TLR7: variants seen among roughly 807,000 people sequenced by gnomAD.
TLR7 encodes toll like receptor 7, also known as toll-like receptor 7.
TLR7 carries 12 observed loss-of-function variants against 38.3 expected under a neutral mutation model. The observed-to-expected ratio is 0.31, with a 90% CI of 0.20 to 0.51. TLR7 has a LOEUF of 0.51. TLR7 is among the 20% of genes least tolerant of loss of function. The pLI is 0.98. For missense variants in TLR7, 504 were observed against 743.4 expected (o/e 0.68, Z 3.74); for synonymous variants, 285 against 293.8 (o/e 0.97, Z 0.31).
chrX:12,886,705 T>C lies in TLR7; in HGVS notation c.1197T>C (p.Leu399=), dbSNP rs765435694. ...CGCCATTACATAATCTTCAAAATCT[T>C]GAAGTTCTTGATCTTGGCACTAACT... ...NLSPLHNLQN[L]EVLDLGTNFI... is the part of the protein sequence containing the mutation. The change falls in exon 3 of 3, where the codon CTT becomes CTC. Residue 399 remains leucine (L), a synonymous_variant. Transcript: ENST00000380659. The C allele has an allele frequency of 1.7e-5, 21 of 1,211,535 alleles. No individual in the cohort carries two copies. The highest frequency in any genetic ancestry group is 2.2e-5 in the Non-Finnish European group (20 of 895,437).
In TLR7 at chrX:12,885,607, T is replaced by G. The variant is rs748200247; in HGVS notation, c.99T>G (p.Thr33=). 8.3e-7 allele frequency: 1 copy of G among 1,211,924 alleles called. No individual in the cohort carries two copies. The highest frequency in any genetic ancestry group is 1.8e-5 in the South Asian group (1 of 57,010). ...TTGGGGCTAGATGGTTTCCTAAAAC[T>G]CTGCCCTGTGATGTCACTCTGGATG... ...KLLGARWFPK[T]LPCDVTLDVP... is the part of the protein sequence containing the mutation. Residue 33 remains threonine (T), a synonymous_variant, in exon 3 of 3, where the codon ACT becomes ACG. Coordinates refer to ENST00000380659, the MANE Select transcript of TLR7 (RefSeq NM_016562.4).
intron 2 of TLR7, among the ~76,000 whole-genome samples, chrX:12,876,740 T>C (rs2042872060): frequency 8.9e-6 from 1 of 112,223 alleles, no homozygotes; most frequent in Admixed American, 9.4e-5. Flanking sequence ...CACCTGTGTG[T>C]ATGAAATCAC....
chrX:12,873,320 G>A (rs2042859666), intron 2 of TLR7, among the ~76,000 whole-genome samples: 1 of 111,852 alleles, frequency 8.9e-6, no homozygotes, highest in Non-Finnish European at 1.9e-5. Context: ...TTCTTTTTCA[G>A]TAACACTTAT....
intron 2 of TLR7, among the ~76,000 whole-genome samples, chrX:12,876,708 C>T (rs5743750): frequency 0.041 from 4,548 of 111,644 alleles, 229 homozygotes; most frequent in African/African-American, 0.14. Flanking sequence ...ACTAAAGAGA[C>T]GATATATTGA....
At chrX:12,884,392 C>T (rs1294255190) in intron 2 of TLR7, among the ~76,000 whole-genome samples, 1 of 112,199 alleles carries the variant, frequency 8.9e-6, no homozygotes, top group Non-Finnish European at 1.9e-5. Flanking sequence ...GGCTGGACCA[C>T]TCCATGCGTA....
intron 2 of TLR7, among the ~76,000 whole-genome samples, chrX:12,882,422 A>C (rs183251848): frequency 9.2e-6 from 1 of 109,184 alleles, no homozygotes; most frequent in East Asian, 2.9e-4. Flanking sequence ...AAAAGTGGAC[A>C]GGTGCGAGAA....
At chrX:12,885,455 T>A in intron 2 of TLR7, 57 bp from the exon 3 acceptor site, 2 of 1,054,379 alleles carry the variant, frequency 1.9e-6, no homozygotes, top group Non-Finnish European at 1.3e-6. Context: ...TGGGAATTTT[T>A]AATTCTGATT....
intron 2 of TLR7, among the ~76,000 whole-genome samples, chrX:12,884,142 C>T (rs748897924): frequency 5.4e-5 from 6 of 111,177 alleles, no homozygotes; most frequent in Non-Finnish European, 1.1e-4. Flanking sequence ...CCATGCCCAG[C>T]TAATTTTTTA....
chrX:12,878,809 C>G (rs2042881829), intron 2 of TLR7, among the ~76,000 whole-genome samples: 1 of 111,457 alleles, frequency 9.0e-6, no homozygotes, highest in African/African-American at 3.3e-5. Flanking sequence ...GATTTTTTGC[C>G]CTGGACTGGC....
chrX:12,882,280 C>T (rs1024464915), intron 2 of TLR7, among the ~76,000 whole-genome samples: 10 of 111,352 alleles, frequency 9.0e-5, no homozygotes, highest in Non-Finnish European at 1.7e-4. Flanking sequence ...TTATAAAGAA[C>T]GCTCTGATGC....
chrX:12,886,407 A>T lies in TLR7; in HGVS notation c.899A>T (p.Asn300Ile). The T allele has an allele frequency of 1.7e-6, 2 of 1,210,215 alleles. No individual in the cohort carries two copies. Among genetic ancestry groups the T allele is most frequent in the South Asian group, 3.5e-5 (2 of 56,832 alleles). ...TELKVLRLHSNSLQHVPPRWF... is the reference protein window; with the variant it reads ...TELKVLRLHSISLQHVPPRWF... Reference sequence around the variant, plus strand: ...TTAAAAGTTTTACGTCTACACAGTAACTCTCTTCAGCATGTGCCCCCAAGA... The same window carrying T: ...TTAAAAGTTTTACGTCTACACAGTATCTCTCTTCAGCATGTGCCCCCAAGA... The change falls in exon 3 of 3, where the codon AAC becomes ATC. Residue 300 changes from asparagine (N) to isoleucine (I), a missense_variant. Transcript: ENST00000380659.
chrX:12,880,758 C>T (rs1330905749), intron 2 of TLR7, among the ~76,000 whole-genome samples: 1 of 111,809 alleles, frequency 8.9e-6, no homozygotes, highest in African/African-American at 3.3e-5. Flanking sequence ...AGGCCCTACC[C>T]TCTTGCAGCT....
Position 12,888,916 on chromosome X carries a change from C to T in TLR7, c.*258C>T, listed in dbSNP as rs1350524489. On this transcript the variant is annotated 3_prime_UTR_variant, in exon 3 of 3. Transcript: ENST00000380659. ...CACCTCAGCTCCTGTAAAAGAGTGG[C>T]AAGTAAAAAACATGGGGCTCTGATT... is the stretch of plus-strand genomic sequence containing the variant. 3.6e-6 allele frequency: 1 copy of T among 280,248 alleles called. No homozygotes were observed. The highest frequency in any genetic ancestry group is 6.2e-6 in the Non-Finnish European group (1 of 160,905). 23.1% of individuals were successfully genotyped at this position (280,248 alleles called of 1,213,427 possible).
intron 2 of TLR7, among the ~76,000 whole-genome samples, chrX:12,867,850 A>G (rs2042839075): frequency 8.9e-6 from 1 of 112,582 alleles, no homozygotes; most frequent in South Asian, 3.6e-4. Context: ...CATAGCTTCT[A>G]TGTATCTCAT....
intron 2 of TLR7, among the ~76,000 whole-genome samples, chrX:12,867,889 G>T (rs975461657): frequency 1.8e-5 from 2 of 112,553 alleles, no homozygotes; most frequent in East Asian, 5.5e-4. Flanking sequence ...TGGCTTTAAA[G>T]CCATAACAAA....
At chrX:12,879,144 T>C (rs917919302) in intron 2 of TLR7, among the ~76,000 whole-genome samples, 4 of 111,903 alleles carry the variant, frequency 3.6e-5, no homozygotes, top group Non-Finnish European at 7.5e-5. Context: ...ATTATGAATA[T>C]TGCCAAATCA....
chrX:12,887,092 C>T lies in TLR7; in HGVS notation c.1584C>T (p.Leu528=). 1 of 1,210,949 alleles carries T rather than the reference C, an allele frequency of 8.3e-7. No homozygotes were observed. The highest frequency in any genetic ancestry group is 1.1e-6 in the Non-Finnish European group (1 of 895,124). Residue 528 remains leucine (L), a synonymous_variant, in exon 3 of 3, where the codon CTC becomes CTT. Coordinates refer to ENST00000380659, the MANE Select transcript of TLR7 (RefSeq NM_016562.4). ...AATGCCTGAATCTGTCAGGAAATCT[C>T]ATTAGCCAAACTCTTAATGGCAGTG... ...FLKCLNLSGN[L]ISQTLNGSEF...
chrX:12,886,087 T>G lies in TLR7; in HGVS notation c.579T>G (p.Tyr193Ter). 8.3e-7 allele frequency: 1 copy of G among 1,211,399 alleles called. No homozygotes were observed. The highest frequency in any genetic ancestry group is 1.1e-6 in the Non-Finnish European group (1 of 895,033). Residue 193 changes from tyrosine to a stop codon, truncating the protein, a stop_gained, in exon 3 of 3, where the codon TAT (tyrosine) becomes TAG (stop). Coordinates refer to ENST00000380659, the MANE Select transcript of TLR7 (RefSeq NM_016562.4). LOFTEE classifies it high-confidence loss of function. Reference protein sequence around the residue: ...CYYRNPCYVSYSIEKDAFLNL... With the variant: ...CYYRNPCYVS ...ATCGAAATCCTTGTTATGTTTCATA[T>G]TCAATAGAGAAAGATGCCTTCCTAA...
At position 12,886,959 on chromosome X, in the gene TLR7, T is replaced by C; in HGVS notation, c.1451T>C (p.Phe484Ser). Reference sequence around the variant, plus strand: ...AGATTCAAAAACAAAGAGGCTTCTTTCATGTCTGTTAATGAAAGCTGCTAC... The same window carrying C: ...AGATTCAAAAACAAAGAGGCTTCTTCCATGTCTGTTAATGAAAGCTGCTAC... ...SCRFKNKEAS[F>S]MSVNESCYKY... is the part of the protein sequence containing the mutation. Residue 484 changes from phenylalanine (F) to serine (S), a missense_variant, in exon 3 of 3, where the codon TTC (phenylalanine) becomes TCC (serine). Physicochemically the swap from Phe to Ser is radical, Grantham distance 155. Coordinates refer to ENST00000380659, the MANE Select transcript of TLR7 (RefSeq NM_016562.4). The C allele has an allele frequency of 8.3e-7, 1 of 1,211,466 alleles. No individual in the cohort carries two copies. Among genetic ancestry groups the C allele is most frequent in the Non-Finnish European group, 1.1e-6 (1 of 895,386 alleles).
Sources: gnomAD v4.1 joint callset for allele counts (sites outside exome capture counted in the v4.1 genomes callset) on GRCh38, gnomAD v4.1.1 for gene constraint, MANE v1.5 for transcripts, NCBI Gene and HGNC (gene_info 2026-07-23, HGNC 2026-07-21) for gene names.